FOXP2: variants seen among roughly 807,000 people sequenced by gnomAD.
FOXP2 encodes the protein forkhead box protein P2.
A neutral mutation model predicts 115.8 loss-of-function variants in FOXP2; 12 were observed. The observed-to-expected ratio is 0.10, with a 90% confidence interval of 0.07 to 0.17. FOXP2 has a LOEUF of 0.17. FOXP2 is among the 10% of genes least tolerant of loss of function. The probability of loss-of-function intolerance (pLI) is 1.00; values close to 1 mark genes in which losing one functional copy is unlikely to be tolerated. For missense variants in FOXP2, 629 were observed against 843.5 expected, an observed-to-expected ratio of 0.75 and a Z score of 3.15; for synonymous variants, 328 against 297.7, an observed-to-expected ratio of 1.10 and a Z score of -1.05.
chr7:114,476,604 C>T (rs1391299771), intron 2 of FOXP2, among the ~76,000 whole-genome samples: 1 of 151,810 alleles, frequency 6.6e-6, no homozygotes, highest in Non-Finnish European at 1.5e-5. Context: ...GCTATTCAGG[C>T]TCTTTTTTTG....
chr7:114,140,316 G>A (rs1792170933), intron 1 of FOXP2, among the ~76,000 whole-genome samples: 2 of 152,044 alleles, frequency 1.3e-5, no homozygotes, highest in Non-Finnish European at 2.9e-5. Context: ...TCCAAGTAGA[G>A]GTGATGCTAA....
intron 1 of FOXP2, among the ~76,000 whole-genome samples, chr7:114,107,779 T>A (rs897471352): frequency 5.9e-5 from 9 of 151,914 alleles, no homozygotes; most frequent in Non-Finnish European, 1.0e-4. Context: ...TCATTTTGAT[T>A]GGGAATAATG....
At chr7:114,661,392 A>G (rs1585004648) in intron 13 of FOXP2, among the ~76,000 whole-genome samples, 1 of 152,130 alleles carries the variant, frequency 6.6e-6, no homozygotes, top group Non-Finnish European at 1.5e-5. Flanking sequence ...ATCTGTTTGC[A>G]TAATCATTAT....
At position 114,203,181 on chromosome 7, in the gene FOXP2, T is replaced by C. The variant is rs1029484213; in HGVS notation, c.-102+40093T>C. On this transcript the variant is annotated intron_variant, in intron 1 of 17. Coordinates refer to the FOXP2 transcript ENST00000634411. ...AATTATTTTTGTTTTGAGTTTTTCA[T>C]CTATAAACAATGACAACCAAATCAC... 3.3e-5 allele frequency among the ~76,000 whole-genome samples: 5 copies of C among 152,344 alleles called. No homozygotes were observed. The South Asian group carries it at 6.2e-4, about 19-fold the overall frequency.
At chr7:114,263,980 G>C (rs1463940711) in intron 1 of FOXP2, among the ~76,000 whole-genome samples, 2 of 151,846 alleles carry the variant, frequency 1.3e-5, no homozygotes, top group Non-Finnish European at 2.9e-5. Context: ...TGGCCTTCAG[G>C]AACACTGGAT....
Position 114,304,669 on chromosome 7 carries a change from C to CA in FOXP2, c.-11+16587dup, listed in dbSNP as rs71157580. On this transcript the variant is annotated intron_variant, in intron 2 of 17. Transcript: ENST00000634411. Reference sequence around the variant, plus strand: ...TAGGTGACAGAGTGAGACTCTGTCTCAAAAAAAAAAAAAAAAAAAAAAAAA... The same window carrying CA: ...TAGGTGACAGAGTGAGACTCTGTCTCAAAAAAAAAAAAAAAAAAAAAAAAAA... 5.5e-3 allele frequency among the ~76,000 whole-genome samples: 359 copies of CA among 65,114 alleles called. 21 individuals are homozygous for CA. Among genetic ancestry groups the CA allele is most frequent in the East Asian group, 0.027 (51 of 1,896 alleles). The allele number at this position is 65,114 out of a possible 152,430, so 42.7% of individuals were successfully genotyped here. A position where few individuals can be genotyped will look rare whatever the true frequency, so the allele number is the denominator to read the frequency against.
At chr7:114,683,748 A>C (rs1281852654) in intron 16 of FOXP2, among the ~76,000 whole-genome samples, 1 of 152,190 alleles carries the variant, frequency 6.6e-6, no homozygotes, top group African/African-American at 2.4e-5. Context: ...CTGAGTCTCC[A>C]TGAAAAATGT....
intron 1 of FOXP2, among the ~76,000 whole-genome samples, chr7:114,278,095 A>G (rs939067709): frequency 1.1e-4 from 17 of 151,164 alleles, no homozygotes; most frequent in African/African-American, 4.1e-4. Context: ...GAATCAAATG[A>G]TGATGTAAGA....
intron 1 of FOXP2, among the ~76,000 whole-genome samples, chr7:114,186,047 G>GAGGGTGTAACCCTCATGGCCT (rs1320536140): frequency 9.2e-5 from 14 of 151,988 alleles, no homozygotes; most frequent in Non-Finnish European, 1.6e-4. Context: ...ATTCCACCAT[G>GAGGGTGTAACCCTCATGGCCT]AGGGTGTAAC....
chr7:114,307,416 G>T (rs1280190844), intron 2 of FOXP2, among the ~76,000 whole-genome samples: 2 of 151,940 alleles, frequency 1.3e-5, no homozygotes, highest in African/African-American at 4.8e-5. Flanking sequence ...CATGCACAAT[G>T]GACTTTAAAC....
chr7:114,454,800 A>C (rs1290607239), intron 2 of FOXP2, among the ~76,000 whole-genome samples: 1 of 130,690 alleles, frequency 7.7e-6, no homozygotes, highest in Non-Finnish European at 1.6e-5. Context: ...ATTCTCACTC[A>C]TAGGTGGGAA....
At chr7:114,558,086 C>A (rs1449578037) in intron 3 of FOXP2, among the ~76,000 whole-genome samples, 2 of 152,090 alleles carry the variant, frequency 1.3e-5, no homozygotes, top group African/African-American at 4.8e-5. Context: ...GGATTACAGG[C>A]GTGAGGCACT....
chr7:114,087,620 T>TGCGGCGGCGGCG, upstream of FOXP2: 1 of 147,224 alleles, frequency 6.8e-6, no homozygotes, highest in African/African-American at 2.4e-5. Flanking sequence ...GCGGCGCACG[T>TGCGGCGGCGGCG]GCGGCGGCGG....
At chr7:114,196,761 T>G (rs1793922130) in intron 1 of FOXP2, among the ~76,000 whole-genome samples, 1 of 152,238 alleles carries the variant, frequency 6.6e-6, no homozygotes, top group African/African-American at 2.4e-5. Context: ...CTACTTGTGA[T>G]TCTGATGCTG....
intron 3 of FOXP2, among the ~76,000 whole-genome samples, chr7:114,617,363 A>T (rs188070784): frequency 6.6e-6 from 1 of 152,120 alleles, no homozygotes; most frequent in African/African-American, 2.4e-5. Flanking sequence ...CTTCCTCTCT[A>T]TCCCATTCAA....
rs150433158 is a variant in FOXP2 at position 114,614,931 on chromosome 7, A to T, written c.259-13609A>T. On this transcript the variant is annotated intron_variant, in intron 3 of 16. Coordinates refer to ENST00000350908, the MANE Select transcript of FOXP2 (RefSeq NM_014491.4). ...CCCAGATCTTCTCTTTTAAAAAAAT[A>T]AAACTTTGGCTGGGCGCAGTGGCTC... Among the ~76,000 whole-genome samples the T allele has an allele frequency of 5.0e-3, 758 of 152,232 alleles. 3 individuals carry two copies. The highest frequency in any genetic ancestry group is 0.017 in the African/African-American group (716 of 41,540).
chr7:114,164,362 T>G (rs1792918557), intron 1 of FOXP2, among the ~76,000 whole-genome samples: 1 of 151,998 alleles, frequency 6.6e-6, no homozygotes, highest in African/African-American at 2.4e-5. Flanking sequence ...TTTTTTCTTT[T>G]TGAGATGGAG....
chr7:114,230,785 A>T (rs1008240765), intron 1 of FOXP2, among the ~76,000 whole-genome samples: 1 of 152,016 alleles, frequency 6.6e-6, no homozygotes, highest in Non-Finnish European at 1.5e-5. Flanking sequence ...TTGAAAAGCT[A>T]AAAGCTTTTC....
At chr7:114,548,710 C>T (rs577135228) in intron 3 of FOXP2, among the ~76,000 whole-genome samples, 1 of 152,230 alleles carries the variant, frequency 6.6e-6, no homozygotes, top group East Asian at 1.9e-4. Context: ...ACAAAGTAAA[C>T]TATGCAAAGA....
Sources: allele counts gnomAD v4.1 joint callset (sites outside exome capture counted in the v4.1 genomes callset), GRCh38; gene constraint gnomAD v4.1.1; transcripts MANE v1.5; gene names NCBI Gene and HGNC (gene_info 2026-07-23, HGNC 2026-07-21).